RERE: variants seen among roughly 807,000 people sequenced by gnomAD.
RERE encodes the protein arginine-glutamic acid dipeptide repeats, also known as arginine-glutamic acid dipeptide repeats protein.
Under a neutral mutation model 146.1 loss-of-function variants are expected in RERE, and 40 were observed. The ratio of observed to expected loss-of-function variants is 0.27; its 90% confidence interval spans 0.21 to 0.36. The LOEUF (loss-of-function observed/expected upper bound fraction) is 0.36. Among genes scored for constraint, RERE ranks in the 10% least tolerant of loss-of-function variants. The pLI, the probability that RERE is intolerant of heterozygous loss-of-function variation, is 1.00. For synonymous variants in RERE, 1,003 were observed against 866.0 expected, an observed-to-expected ratio of 1.16 and a Z score of -2.78; for missense variants, 1,933 against 2,138.7, an observed-to-expected ratio of 0.90 and a Z score of 1.90.
chr1:8,555,261 T>C (rs940316399), intron 6 of RERE, among the ~76,000 whole-genome samples: 1 of 152,210 alleles, frequency 6.6e-6, no homozygotes, highest in African/African-American at 2.4e-5. Context: ...GAAAATTAAA[T>C]GAAACTCAAA....
intron 11 of RERE, among the ~76,000 whole-genome samples, chr1:8,427,435 G>A (rs1290386754): frequency 1.3e-5 from 2 of 151,812 alleles, no homozygotes; most frequent in African/African-American, 4.8e-5. Context: ...AATATCTTTC[G>A]AGATTGTCAC....
intron 11 of RERE, among the ~76,000 whole-genome samples, chr1:8,431,628 G>C (rs6685400): frequency 0.027 from 4,080 of 152,166 alleles, 195 homozygotes; most frequent in African/African-American, 0.094. Context: ...AAAAAGGTTG[G>C]GGACCTCTGC....
chr1:8,445,571 A>G (rs1367893836), intron 11 of RERE, among the ~76,000 whole-genome samples: 1 of 152,206 alleles, frequency 6.6e-6, no homozygotes, highest in African/African-American at 2.4e-5. Flanking sequence ...GGTTGAAGAC[A>G]ATAATCTTCA....
intron 8 of RERE, among the ~76,000 whole-genome samples, chr1:8,499,155 C>T (rs963252755): frequency 2.6e-5 from 4 of 152,196 alleles, no homozygotes; most frequent in African/African-American, 9.7e-5. Flanking sequence ...CTCATGTTCT[C>T]ATCCTGTCAA....
intron 11 of RERE, among the ~76,000 whole-genome samples, chr1:8,438,012 G>A (rs1487655520): frequency 2.0e-5 from 3 of 152,050 alleles, no homozygotes; most frequent in Non-Finnish European, 4.4e-5. Context: ...TAGAGACAGG[G>A]TCTTGCTCTG....
chr1:8,405,122 A>G (rs1036029704), intron 12 of RERE, among the ~76,000 whole-genome samples: 1 of 152,228 alleles, frequency 6.6e-6, no homozygotes, highest in Admixed American at 6.5e-5. Context: ...CACTGAAAGA[A>G]TAGTAAGTGA....
At chr1:8,476,512 C>T (rs1437791017) in intron 10 of RERE, among the ~76,000 whole-genome samples, 1 of 152,124 alleles carries the variant, frequency 6.6e-6, no homozygotes, top group East Asian at 1.9e-4. Flanking sequence ...AGAGGAAAGA[C>T]ACACATGTAA....
Position 8,508,661 on chromosome 1 carries a change from G to GTAC in RERE, c.842_844dup (p.Ser281dup), listed in dbSNP as rs777448501. 6.2e-7 allele frequency: 1 copy of GTAC among 1,613,124 alleles called. No individual in the cohort carries two copies. The highest frequency in any genetic ancestry group is 8.5e-7 in the Non-Finnish European group (1 of 1,179,168). ...AGGACCGACACGAATCTCCCCCTGG[G>GTAC]TACTGTTCAGCCTCCTGGAACAGAA... is the stretch of plus-strand genomic sequence containing the variant. On this transcript the variant is annotated inframe_insertion, in exon 8 of 23. Transcript: ENST00000400908.
intron 8 of RERE, among the ~76,000 whole-genome samples, chr1:8,501,811 C>T (rs1302260822): frequency 8.5e-6 from 1 of 117,602 alleles, no homozygotes; most frequent in Admixed American, 8.6e-5. Context: ...AGGTGAGGGG[C>T]GCCTCTGCCC....
chr1:8,563,810 T>TA (rs1557688403), intron 4 of RERE, among the ~76,000 whole-genome samples: 2 of 152,336 alleles, frequency 1.3e-5, no homozygotes, highest in South Asian at 2.1e-4. Flanking sequence ...CTGTATGGCT[T>TA]AAAAAGATAC....
chr1:8,527,815 C>T (rs1053395676), intron 7 of RERE, among the ~76,000 whole-genome samples: 13 of 152,188 alleles, frequency 8.5e-5, no homozygotes, highest in South Asian at 4.2e-4. Flanking sequence ...CGTACCCCAG[C>T]GGCCACACCC....
chr1:8,365,999 G>A (rs1231512079), intron 12 of RERE, 25 bp from the exon 13 acceptor site: 3 of 1,609,708 alleles, frequency 1.9e-6, no homozygotes, highest in South Asian at 1.1e-5. Context: ...GGCTGACTGT[G>A]GGGGAGGGCC....
chr1:8,501,164 G>A (rs1188635161), intron 8 of RERE, among the ~76,000 whole-genome samples: 4 of 150,138 alleles, frequency 2.7e-5, no homozygotes, highest in East Asian at 4.0e-4. Flanking sequence ...GGGAGGGGGG[G>A]TCAGCCCCCT....
chr1:8,402,745 T>TA (rs1199264960), intron 12 of RERE, among the ~76,000 whole-genome samples: 1 of 152,230 alleles, frequency 6.6e-6, no homozygotes, highest in East Asian at 1.9e-4. Context: ...AGGTTAAACT[T>TA]AGCCTTTTAA....
intron 4 of RERE, among the ~76,000 whole-genome samples, chr1:8,570,581 T>C (rs539868503): frequency 4.6e-5 from 7 of 152,316 alleles, no homozygotes; most frequent in Admixed American, 3.3e-4. Flanking sequence ...TGTTGAGCTA[T>C]ATCACACATC....
chr1:8,555,984 G>A (rs975817559), intron 6 of RERE, among the ~76,000 whole-genome samples: 2 of 152,116 alleles, frequency 1.3e-5, no homozygotes, highest in African/African-American at 2.4e-5. Context: ...TTTTGCCTGG[G>A]TTCTCAAGTA....
chr1:8,776,426 T>C (rs1205671444), intron 1 of RERE, among the ~76,000 whole-genome samples: 4 of 152,110 alleles, frequency 2.6e-5, no homozygotes, highest in Non-Finnish European at 5.9e-5. Flanking sequence ...GCCTTCCAAG[T>C]AGCTGGGACT....
chr1:8,626,608 T>C (rs1162431985), intron 2 of RERE, among the ~76,000 whole-genome samples: 2 of 152,116 alleles, frequency 1.3e-5, no homozygotes, highest in Non-Finnish European at 1.5e-5. Flanking sequence ...ACCACAGACA[T>C]GCCAGCCCAG....
chr1:8,394,796 T>C (rs1178436154), intron 12 of RERE, among the ~76,000 whole-genome samples: 5 of 151,180 alleles, frequency 3.3e-5, no homozygotes, highest in African/African-American at 1.2e-4. Flanking sequence ...CCACTACTAG[T>C]ATATATATAT....
Sources: gnomAD v4.1 joint callset for allele counts (sites outside exome capture counted in the v4.1 genomes callset) on GRCh38, gnomAD v4.1.1 for gene constraint, MANE v1.5 for transcripts, NCBI Gene and HGNC (gene_info 2026-07-23, HGNC 2026-07-21) for gene names.